The following NUP98 variants were observed in gnomAD, a reference collection of about 807,000 sequenced individuals.
NUP98 encodes nuclear pore complex protein Nup98-Nup96.
NUP98 carries 26 observed loss-of-function variants against 191.9 expected under a neutral mutation model. The ratio of observed to expected loss-of-function variants is 0.14; its 90% CI spans 0.10 to 0.19. NUP98 has a LOEUF of 0.19. Among genes scored for constraint, NUP98 ranks in the 10% least tolerant of loss-of-function variants. The pLI, the probability that NUP98 is intolerant of heterozygous loss-of-function variation, is 1.00. For missense variants in NUP98, 1,941 were observed against 2,178.8 expected, an observed-to-expected ratio of 0.89 and a Z score of 2.17; for synonymous variants, 808 against 778.4, an observed-to-expected ratio of 1.04 and a Z score of -0.63.
At chr11:3,710,358 A>G (rs2134157964) in intron 20 of NUP98, among the ~76,000 whole-genome samples, 1 of 152,328 alleles carries the variant, frequency 6.6e-6, no homozygotes, top group African/African-American at 2.4e-5. Flanking sequence ...TCACATGAAA[A>G]TTTAGTTACC....
chr11:3,785,032 G>T (rs938416461), intron 1 of NUP98, among the ~76,000 whole-genome samples: 1 of 151,782 alleles, frequency 6.6e-6, no homozygotes, highest in Non-Finnish European at 1.5e-5. Context: ...CAGCTACTCA[G>T]GAGGCTGAGA....
chr11:3,716,354 GT>G (rs1012964702), intron 18 of NUP98, among the ~76,000 whole-genome samples: 15 of 147,800 alleles, frequency 1.0e-4, no homozygotes, highest in African/African-American at 7.5e-5. Flanking sequence ...TTTTTTTTTA[GT>G]TTTTTTTATG....
intron 25 of NUP98, among the ~76,000 whole-genome samples, chr11:3,697,767 G>C (rs1398246415): frequency 7.1e-6 from 1 of 140,222 alleles, no homozygotes; most frequent in Admixed American, 7.9e-5. Flanking sequence ...AGTGAGCTGA[G>C]ATCGTTCCAC....
At chr11:3,679,219 C>A (rs73426358) in intron 31 of NUP98, among the ~76,000 whole-genome samples, 2,008 of 151,894 alleles carry the variant, frequency 0.013, 51 homozygotes, top group African/African-American at 0.047. Flanking sequence ...AAACAGCTAT[C>A]CTCACCCTCA....
At chr11:3,713,299 T>C (rs1324700682) in intron 19 of NUP98, among the ~76,000 whole-genome samples, 1 of 152,228 alleles carries the variant, frequency 6.6e-6, no homozygotes, top group Non-Finnish European at 1.5e-5. Context: ...TCATAGGAGT[T>C]GGGTAGAGGA....
At chr11:3,697,476 CAT>C (rs2078544647) in intron 25 of NUP98, among the ~76,000 whole-genome samples, 1 of 152,120 alleles carries the variant, frequency 6.6e-6, no homozygotes, top group East Asian at 1.9e-4. Context: ...AGGATCTGAT[CAT>C]ATTAGATTAA....
intron 7 of NUP98, among the ~76,000 whole-genome samples, chr11:3,770,881 T>C: frequency 6.6e-6 from 1 of 152,278 alleles, no homozygotes; most frequent in African/African-American, 2.4e-5. Context: ...CCTTTTTATT[T>C]AGAGATGGAG....
chr11:3,692,356 G>T (rs899766256), intron 27 of NUP98, among the ~76,000 whole-genome samples: 1 of 151,442 alleles, frequency 6.6e-6, no homozygotes, highest in Non-Finnish European at 1.5e-5. Context: ...ACCTGGGCAC[G>T]GTGGCTCATG....
At chr11:3,761,015 G>A (rs1411718076) in intron 9 of NUP98, among the ~76,000 whole-genome samples, 1 of 152,148 alleles carries the variant, frequency 6.6e-6, no homozygotes, top group African/African-American at 2.4e-5. Context: ...CTTTGAACAT[G>A]CTACATGGAT....
At chr11:3,705,813 C>T (rs1235116623) in intron 21 of NUP98, among the ~76,000 whole-genome samples, 5 of 151,640 alleles carry the variant, frequency 3.3e-5, no homozygotes, top group African/African-American at 1.2e-4. Flanking sequence ...AAAATCAGTA[C>T]TCACAGCTAT....
At chr11:3,753,185 T>C (rs2080828781) in intron 11 of NUP98, 131 bp downstream of exon 11, 1 of 750,144 alleles carries the variant, frequency 1.3e-6, no homozygotes, top group South Asian at 1.6e-5. Flanking sequence ...GAATGTCTTA[T>C]AAACGCAACT....
At chr11:3,702,313 ACTCTCTCTCTCTCTCTCTCTCTCTCT>A (rs71041375) in intron 23 of NUP98, 124 bp downstream of exon 23, 3,476 of 347,148 alleles carry the variant, frequency 0.01, 76 homozygotes, top group Middle Eastern at 0.021. Flanking sequence ...ACACACACAC[ACTCTCTCTCTCTCTCTCTCTCTCTCT>A]CTCTCTCTCT....
intron 4 of NUP98, among the ~76,000 whole-genome samples, chr11:3,778,163 C>A (rs1161050663): frequency 7.2e-6 from 1 of 138,318 alleles, no homozygotes; most frequent in Non-Finnish European, 1.5e-5. Context: ...TGCGCCACTA[C>A]ACTCCAGCCT....
intron 1 of NUP98, among the ~76,000 whole-genome samples, chr11:3,790,671 T>G (rs2082304433): frequency 6.6e-6 from 1 of 152,122 alleles, no homozygotes; most frequent in South Asian, 2.1e-4. Context: ...TGTCACCCAT[T>G]TACAATATAA....
At position 3,735,325 on chromosome 11, in the gene NUP98, CT is replaced by C. The variant is rs749939631; in HGVS notation, c.1409-2del. 7.7e-6 allele frequency: 11 copies of C among 1,436,288 alleles called. No individual in the cohort carries two copies. The highest frequency in any genetic ancestry group is 4.4e-5 in the African/African-American group (3 of 68,316). 89.0% of individuals were successfully genotyped at this position (1,436,288 alleles called of 1,614,324 possible). ...GCAGAAGCATTTGGATCTGTCAAAG[CT>C]TTTAAAAAAAAAAAAAGAAAACAAA... On this transcript the variant is annotated splice_acceptor_variant, in intron 12 of 32. Coordinates refer to ENST00000324932, the MANE Select transcript of NUP98 (RefSeq NM_016320.5). LOFTEE classifies it high-confidence loss of function.
chr11:3,768,784 A>T, intron 7 of NUP98, 40 bp from the exon 8 acceptor site: 1 of 1,436,880 alleles, frequency 7.0e-7, no homozygotes, highest in Non-Finnish European at 9.3e-7. Context: ...AAGAAATAAT[A>T]AAAAAAATGT....
chr11:3,691,560 C>CTTTT, intron 27 of NUP98, 71 bp from the exon 28 acceptor site: 1 of 1,176,226 alleles, frequency 8.5e-7, no homozygotes, highest in Non-Finnish European at 1.2e-6. Context: ...TATGTTTCTT[C>CTTTT]TTTTTTTTTT....
Position 3,691,505 on chromosome 11 carries a change from G to A in NUP98, c.4312-16C>T, listed in dbSNP as rs777173677. 1 of 1,613,092 alleles carries A rather than the reference G, an allele frequency of 6.2e-7. No individual in the cohort carries two copies. The highest frequency in any genetic ancestry group is 1.3e-5 in the African/African-American group (1 of 74,840). ...CAGAGGTATTCTGAAGGAATAATTT[G>A]ATAAAACAATACATTAGCTCCTAAT... On this transcript the variant is annotated splice_polypyrimidine_tract_variant and intron_variant, in intron 27 of 32. Coordinates refer to ENST00000324932, the MANE Select transcript of NUP98 (RefSeq NM_016320.5).
chr11:3,683,963 T>A (rs1312250250), intron 29 of NUP98, among the ~76,000 whole-genome samples: 1 of 151,378 alleles, frequency 6.6e-6, no homozygotes, highest in Admixed American at 6.6e-5. Flanking sequence ...ATCCCAGCAC[T>A]TTGGGAGGTC....
Sources: gnomAD v4.1 joint callset for allele counts (sites outside exome capture counted in the v4.1 genomes callset) on GRCh38, gnomAD v4.1.1 for gene constraint, MANE v1.5 for transcripts, NCBI Gene and HGNC (gene_info 2026-07-23, HGNC 2026-07-21) for gene names.